The following VAMP7 variants were observed in gnomAD, a reference collection of about 807,000 sequenced individuals.
VAMP7 encodes the protein vesicle-associated membrane protein 7.
A neutral mutation model predicts 29.6 loss-of-function variants in VAMP7; 14 were observed. That is an observed-to-expected ratio of 0.47 (90% CI 0.31 to 0.74). The LOEUF (loss-of-function observed/expected upper bound fraction) is 0.74. Among genes scored for constraint, VAMP7 ranks in the 30% least tolerant of loss-of-function variants. The pLI is 0.05. For missense variants in VAMP7, 223 were observed against 262.4 expected (o/e 0.85, Z 1.04); for synonymous variants, 95 against 88.1 (o/e 1.08, Z -0.44).
intron 4 of VAMP7, among the ~76,000 whole-genome samples, chrX:155,899,405 A>G (rs377246895): frequency 1.3e-5 from 2 of 151,904 alleles, no homozygotes; most frequent in African/African-American, 2.4e-5. Flanking sequence ...CCTTTTATCC[A>G]TGAAACTATT....
At chrX:155,923,265 T>C (rs1220454328) in intron 6 of VAMP7, among the ~76,000 whole-genome samples, 2 of 152,058 alleles carry the variant, frequency 1.3e-5, no homozygotes, top group African/African-American at 4.8e-5. Context: ...TTCAGTGCTC[T>C]TAATTCTTTT....
At chrX:155,939,265 A>G (rs761440575) in intron 6 of VAMP7, among the ~76,000 whole-genome samples, 13 of 152,296 alleles carry the variant, frequency 8.5e-5, no homozygotes, top group African/African-American at 2.6e-4. Context: ...TTTGGCCCTC[A>G]CAAAAGTAAA....
rs367961134 is a variant in VAMP7, at chrX:155,923,531, T to C, written c.501+3651T>C. On this transcript the variant is annotated intron_variant, in intron 6 of 7. Transcript: ENST00000286448. ...GGTGGTTCATCACTGTCTTTTACAT[T>C]GTTTCTGACAAGAATTCTGCTGTCA... Among the ~76,000 whole-genome samples the C allele has an allele frequency of 2.2e-3, 329 of 152,080 alleles. 3 individuals carry two copies. The highest frequency in any genetic ancestry group is 7.5e-3 in the African/African-American group (313 of 41,558).
At position 155,914,910 on chromosome X, in the gene VAMP7, T is replaced by C. The variant is rs1362314653; in HGVS notation, c.434-4903T>C. Among the ~76,000 whole-genome samples, 6 of 152,160 alleles carry C rather than the reference T, an allele frequency of 3.9e-5. No homozygotes were observed. The East Asian group carries it at 1.2e-3, about 29-fold the overall frequency. On this transcript the variant is annotated intron_variant, in intron 5 of 7. Coordinates refer to ENST00000286448, the MANE Select transcript of VAMP7 (RefSeq NM_005638.6). The stretch of plus-strand genomic sequence containing the variant: ...TTAGGGAGGAGTCCCTCTTCTTCTG[T>C]TGTTTGGAATAGTTTCAGAAGGAAT...
At chrX:155,933,988 G>A (rs2066607527) in intron 6 of VAMP7, among the ~76,000 whole-genome samples, 1 of 152,166 alleles carries the variant, frequency 6.6e-6, no homozygotes, top group African/African-American at 2.4e-5. Flanking sequence ...AGGTTGTTCA[G>A]TCTCCATGTA....
intron 6 of VAMP7, among the ~76,000 whole-genome samples, chrX:155,938,795 G>A (rs1298864870): frequency 1.1e-4 from 16 of 152,114 alleles, no homozygotes; most frequent in South Asian, 2.1e-4. Flanking sequence ...CAGCTTGGGC[G>A]ACAGAGCAAG....
chrX:155,923,760 A>C (rs2124360480), intron 6 of VAMP7, among the ~76,000 whole-genome samples: 1 of 152,176 alleles, frequency 6.6e-6, no homozygotes, highest in Admixed American at 6.5e-5. Context: ...ATCTGTATTA[A>C]GCCACTTGAA....
At position 155,931,789 on chromosome X, in the gene VAMP7, A is replaced by G. The variant is rs924698479; in HGVS notation, c.502-7912A>G. 3.3e-5 allele frequency among the ~76,000 whole-genome samples: 5 copies of G among 152,286 alleles called. 1 individual carries two copies. In the Middle Eastern group the frequency reaches 0.01, roughly 311 times the overall value. On this transcript the variant is annotated intron_variant, in intron 6 of 7. Coordinates refer to ENST00000286448, the MANE Select transcript of VAMP7 (RefSeq NM_005638.6). ...AGATATGAAGTCCATGCCCATGCCT[A>G]TGTCCTCAATGGTATTACCTAGGTT...
intron 5 of VAMP7, among the ~76,000 whole-genome samples, chrX:155,919,206 T>TGG (rs967560942): frequency 9.9e-5 from 15 of 152,174 alleles, no homozygotes; most frequent in African/African-American, 3.6e-4. Flanking sequence ...CAGCTGATTC[T>TGG]GGGCATTGTT....
At chrX:155,917,835 G>T (rs1307198996) in intron 5 of VAMP7, among the ~76,000 whole-genome samples, 1 of 152,182 alleles carries the variant, frequency 6.6e-6, no homozygotes, top group Non-Finnish European at 1.5e-5. Flanking sequence ...CTTGAGCACT[G>T]TGCTGGGATT....
At chrX:155,888,164 G>A (rs1031412847) in intron 1 of VAMP7, among the ~76,000 whole-genome samples, 10 of 152,166 alleles carry the variant, frequency 6.6e-5, no homozygotes, top group Non-Finnish European at 1.5e-5. Context: ...CAGCCCAAGA[G>A]ACAGATGAGC....
At chrX:155,897,526 G>T (rs2066002706) in intron 3 of VAMP7, among the ~76,000 whole-genome samples, 1 of 152,228 alleles carries the variant, frequency 6.6e-6, no homozygotes, top group South Asian at 2.1e-4. Flanking sequence ...GCTATAATTT[G>T]ATACACACAT....
At chrX:155,913,697 A>G (rs1486673671) in intron 5 of VAMP7, among the ~76,000 whole-genome samples, 2 of 151,994 alleles carry the variant, frequency 1.3e-5, no homozygotes, top group East Asian at 1.9e-4. Context: ...GTGTAGCGTT[A>G]TTTCTGAGGC....
intron 6 of VAMP7, among the ~76,000 whole-genome samples, chrX:155,920,179 A>G (rs2066374960): frequency 6.6e-6 from 1 of 152,198 alleles, no homozygotes; most frequent in African/African-American, 2.4e-5. Context: ...TGCATGTAAC[A>G]GTCTGTTCCC....
intron 6 of VAMP7, among the ~76,000 whole-genome samples, chrX:155,931,534 C>T (rs2066554865): frequency 1.3e-5 from 2 of 152,170 alleles, no homozygotes; most frequent in Non-Finnish European, 2.9e-5. Context: ...TGTTCATATC[C>T]TTCACCCACT....
chrX:155,917,026 C>T (rs34394869), intron 5 of VAMP7, among the ~76,000 whole-genome samples: 9,480 of 152,130 alleles, frequency 0.062, 403 homozygotes, highest in Admixed American at 0.096. Flanking sequence ...TTCATATAGT[C>T]CCATATGTCT....
chrX:155,925,129 C>G (rs2066450129), intron 6 of VAMP7, among the ~76,000 whole-genome samples: 1 of 152,208 alleles, frequency 6.6e-6, no homozygotes, highest in Non-Finnish European at 1.5e-5. Context: ...ACTCACTCCA[C>G]TGAAGTCTTG....
In VAMP7 at chrX:155,941,966, C is replaced by T; in HGVS notation, c.*15C>T. The T allele has an allele frequency of 6.2e-7, 1 of 1,613,734 alleles. No individual in the cohort carries two copies. The highest frequency in any genetic ancestry group is 2.2e-5 in the East Asian group (1 of 44,864). On this transcript the variant is annotated 3_prime_UTR_variant, in exon 8 of 8. Coordinates refer to ENST00000286448, the MANE Select transcript of VAMP7 (RefSeq NM_005638.6). ...TGAAGAAATAGGAAAGAAGAAGTTA[C>T]CATTAACCAAGGATATGAGAGAACA...
At chrX:155,937,436 T>C (rs1173368413) in intron 6 of VAMP7, among the ~76,000 whole-genome samples, 3 of 152,196 alleles carry the variant, frequency 2.0e-5, no homozygotes, top group Non-Finnish European at 4.4e-5. Context: ...CCCAAAAAAG[T>C]AACTATGTGA....
Sources: allele counts gnomAD v4.1 joint callset (sites outside exome capture counted in the v4.1 genomes callset), GRCh38; gene constraint gnomAD v4.1.1; transcripts MANE v1.5; gene names NCBI Gene and HGNC (gene_info 2026-07-23, HGNC 2026-07-21).